Variants in PAK5 observed in about 807,000 individuals in gnomAD.
PAK5 encodes serine/threonine-protein kinase PAK 5.
Under a neutral mutation model 65.9 loss-of-function variants are expected in PAK5, and 16 were observed. The ratio of observed to expected loss-of-function variants is 0.24; its 90% CI spans 0.16 to 0.37. The LOEUF is 0.37. Among genes scored for constraint, PAK5 ranks in the 10% least tolerant of loss-of-function variants. PAK5 has a pLI of 1.00. For missense variants in PAK5, 785 were observed against 903.9 expected, an observed-to-expected ratio of 0.87 and a Z score of 1.69; for synonymous variants, 371 against 354.9, an observed-to-expected ratio of 1.05 and a Z score of -0.51.
At chr20:9,771,481 T>C (rs1489320196) in intron 1 of PAK5, among the ~76,000 whole-genome samples, 1 of 151,498 alleles carries the variant, frequency 6.6e-6, no homozygotes, top group South Asian at 2.1e-4. Context: ...TAATCACTGC[T>C]CACTGCAGCC....
chr20:9,588,753 G>A (rs2046113731), intron 3 of PAK5, among the ~76,000 whole-genome samples: 1 of 152,112 alleles, frequency 6.6e-6, no homozygotes, highest in Non-Finnish European at 1.5e-5. Flanking sequence ...AAGAGGATTG[G>A]TGGATTTTAT....
Position 9,715,094 on chromosome 20 carries a change from C to CTT in PAK5, c.-161-3660_-161-3659insAA, listed in dbSNP as rs532854088. Among the ~76,000 whole-genome samples the CTT allele has an allele frequency of 2.0e-3, 308 of 152,312 alleles. 2 individuals carry two copies. Among genetic ancestry groups the CTT allele is most frequent in the African/African-American group, 7.1e-3 (297 of 41,568 alleles). ...TCTGCACAGCAAAAGAAACTACCATCAGAGTGAACAGGCAACCTACAGAAT... is the reference window on the plus strand; with the variant it reads ...TCTGCACAGCAAAAGAAACTACCATCTTAGAGTGAACAGGCAACCTACAGAAT... On this transcript the variant is annotated intron_variant, in intron 1 of 9. Coordinates refer to ENST00000353224, the MANE Select transcript of PAK5 (RefSeq NM_177990.4).
At chr20:9,551,824 G>A (rs1375623435) in intron 7 of PAK5, among the ~76,000 whole-genome samples, 1 of 152,210 alleles carries the variant, frequency 6.6e-6, no homozygotes, top group Non-Finnish European at 1.5e-5. Context: ...TGGGGCCCAG[G>A]AATCTGTTTC....
chr20:9,569,204 G>A (rs1273306797), intron 4 of PAK5, among the ~76,000 whole-genome samples: 1 of 152,194 alleles, frequency 6.6e-6, no homozygotes, highest in Non-Finnish European at 1.5e-5. Context: ...GGGATAATTT[G>A]TTATGCAGCA....
intron 3 of PAK5, among the ~76,000 whole-genome samples, chr20:9,638,542 C>T (rs948042481): frequency 6.6e-6 from 1 of 152,200 alleles, no homozygotes; most frequent in Non-Finnish European, 1.5e-5. Context: ...GGTCCTCAGA[C>T]CAGCAGCATC....
At chr20:9,584,253 T>C (rs556751568) in intron 3 of PAK5, among the ~76,000 whole-genome samples, 1 of 152,316 alleles carries the variant, frequency 6.6e-6, no homozygotes, top group African/African-American at 2.4e-5. Flanking sequence ...ATCAAGTCTC[T>C]TTCAGCAGCT....
At chr20:9,815,373 G>A (rs1379503943) in intron 1 of PAK5, among the ~76,000 whole-genome samples, 1 of 152,132 alleles carries the variant, frequency 6.6e-6, no homozygotes, top group Non-Finnish European at 1.5e-5. Flanking sequence ...AAATGCATGT[G>A]TGTAGTCCTT....
At chr20:9,576,929 G>A (rs1174781262) in intron 4 of PAK5, among the ~76,000 whole-genome samples, 1 of 152,236 alleles carries the variant, frequency 6.6e-6, no homozygotes, top group African/African-American at 2.4e-5. Context: ...GGGCTTCTCA[G>A]TAGGGAACGG....
chr20:9,730,677 C>T (rs2048326662), intron 1 of PAK5, among the ~76,000 whole-genome samples: 1 of 152,192 alleles, frequency 6.6e-6, no homozygotes, highest in Non-Finnish European at 1.5e-5. Context: ...CATGCTGACT[C>T]CTGTGGATTG....
chr20:9,778,054 AT>A (rs1427796923), intron 1 of PAK5, among the ~76,000 whole-genome samples: 8 of 152,300 alleles, frequency 5.3e-5, no homozygotes, highest in Admixed American at 4.6e-4. Flanking sequence ...CTAGTGTTTA[AT>A]TATTTAACTA....
At chr20:9,764,244 G>A (rs890205313) in intron 1 of PAK5, among the ~76,000 whole-genome samples, 57 of 152,132 alleles carry the variant, frequency 3.7e-4, no homozygotes, top group African/African-American at 1.3e-3. Context: ...TTTCAAGACA[G>A]CTCTAAATTA....
intron 1 of PAK5, among the ~76,000 whole-genome samples, chr20:9,738,621 AC>A (rs1426904375): frequency 6.6e-6 from 1 of 152,216 alleles, no homozygotes; most frequent in African/African-American, 2.4e-5. Context: ...AACTTAACAT[AC>A]AGTGTCAGAA....
Position 9,746,235 on chromosome 20 carries a change from T to C in PAK5, c.-161-34800A>G, listed in dbSNP as rs886211403. Among the ~76,000 whole-genome samples the C allele has an allele frequency of 2.6e-5, 4 of 152,106 alleles. 1 individual carries two copies. The highest frequency in any genetic ancestry group is 9.7e-5 in the African/African-American group (4 of 41,440). On this transcript the variant is annotated intron_variant, in intron 1 of 9. Coordinates refer to ENST00000353224, the MANE Select transcript of PAK5 (RefSeq NM_177990.4). The stretch of plus-strand genomic sequence containing the variant: ...CCCACACACCCTGGACACCTGTCTC[T>C]TAAGGCGCTTTCCCATTGAGGGCTG...
At chr20:9,539,694 A>G in intron 9 of PAK5, 77 bp from the exon 10 acceptor site, 1 of 1,230,958 alleles carries the variant, frequency 8.1e-7, no homozygotes, top group Non-Finnish European at 1.2e-6. Context: ...TTCCCCATTC[A>G]TCCTATCAAC....
chr20:9,615,638 T>C (rs1311738017), intron 3 of PAK5, among the ~76,000 whole-genome samples: 1 of 152,222 alleles, frequency 6.6e-6, no homozygotes, highest in Non-Finnish European at 1.5e-5. Flanking sequence ...CCAAAGTGTG[T>C]TCCAGTTACT....
At chr20:9,714,336 G>C (rs1421422754) in intron 1 of PAK5, among the ~76,000 whole-genome samples, 2 of 152,012 alleles carry the variant, frequency 1.3e-5, no homozygotes, top group Non-Finnish European at 2.9e-5. Flanking sequence ...GATGAGATAA[G>C]AAATAACAGC....
chr20:9,750,150 A>G (rs1390035648), intron 1 of PAK5, among the ~76,000 whole-genome samples: 1 of 152,046 alleles, frequency 6.6e-6, no homozygotes, highest in Non-Finnish European at 1.5e-5. Flanking sequence ...ACATTCTACC[A>G]GAGGGAAATT....
At chr20:9,680,682 C>T (rs138360162) in intron 2 of PAK5, among the ~76,000 whole-genome samples, 1 of 152,264 alleles carries the variant, frequency 6.6e-6, no homozygotes, top group East Asian at 1.9e-4. Context: ...AGAGAATCCC[C>T]AGTGTTTGCA....
intron 1 of PAK5, among the ~76,000 whole-genome samples, chr20:9,743,280 G>C (rs1056423355): frequency 6.6e-6 from 1 of 151,996 alleles, no homozygotes; most frequent in Non-Finnish European, 1.5e-5. Context: ...TGAGATGGGA[G>C]AATCACTTGA....
Sources: allele counts gnomAD v4.1 joint callset (sites outside exome capture counted in the v4.1 genomes callset), GRCh38; gene constraint gnomAD v4.1.1; transcripts MANE v1.5; gene names NCBI Gene and HGNC (gene_info 2026-07-23, HGNC 2026-07-21).